Variants in RORB observed in about 807,000 individuals in gnomAD.
The protein encoded by RORB is nuclear receptor ROR-beta.
Under a neutral mutation model 59.1 loss-of-function variants are expected in RORB, and 6 were observed. The ratio of observed to expected loss-of-function variants is 0.10; its 90% confidence interval spans 0.06 to 0.20. The LOEUF (loss-of-function observed/expected upper bound fraction) is 0.20, where lower values mean the gene tolerates loss of function less well. RORB is among the 10% of genes least tolerant of loss of function. The pLI is 1.00. For synonymous variants in RORB, 215 were observed against 204.5 expected (o/e 1.05, Z -0.44); for missense variants, 320 against 560.5 (o/e 0.57, Z 4.33).
At chr9:74,633,240 A>C (rs921522552) in intron 2 of RORB, among the ~76,000 whole-genome samples, 1 of 152,204 alleles carries the variant, frequency 6.6e-6, no homozygotes, top group Non-Finnish European at 1.5e-5. Context: ...AATTACAAAA[A>C]TTTTAGGCGA....
At chr9:74,564,988 G>A (rs547027324) in intron 1 of RORB, among the ~76,000 whole-genome samples, 35 of 152,252 alleles carry the variant, frequency 2.3e-4, no homozygotes, top group African/African-American at 7.5e-4. Flanking sequence ...TGGTTCACTG[G>A]CATTTTTGAG....
intron 1 of RORB, among the ~76,000 whole-genome samples, chr9:74,628,665 T>A (rs895221897): frequency 6.6e-6 from 1 of 152,248 alleles, no homozygotes; most frequent in Non-Finnish European, 1.5e-5. Flanking sequence ...CATTTATTTG[T>A]TTTGTATATG....
In RORB at chr9:74,624,304, T is replaced by G. The variant is rs964822230; in HGVS notation, c.8-5978T>G. 2.6e-5 allele frequency among the ~76,000 whole-genome samples: 4 copies of G among 152,256 alleles called. No individual in the cohort carries two copies. In the East Asian group the frequency reaches 7.7e-4, roughly 29 times the overall value. On this transcript the variant is annotated intron_variant, in intron 1 of 9. Coordinates refer to ENST00000376896, the MANE Select transcript of RORB (RefSeq NM_006914.4). The stretch of plus-strand genomic sequence containing the variant: ...TTACAGAGAAGACCCCAGATGCTGA[T>G]AGACGTGAGAGTGTTATAGTAGAAA...
chr9:74,684,747 T>G (rs1476129094), intron 9 of RORB, among the ~76,000 whole-genome samples: 1 of 152,166 alleles, frequency 6.6e-6, no homozygotes. Flanking sequence ...TCCCAAATTC[T>G]CTATGTGTTT....
At chr9:74,683,426 T>C (rs1325698909) in intron 9 of RORB, among the ~76,000 whole-genome samples, 1 of 152,176 alleles carries the variant, frequency 6.6e-6, no homozygotes, top group Non-Finnish European at 1.5e-5. Context: ...TCTTTCAGAA[T>C]GGGACTCTGA....
chr9:74,622,718 GGTTTCACC>G (rs1025369360), intron 1 of RORB, among the ~76,000 whole-genome samples: 34 of 151,660 alleles, frequency 2.2e-4, no homozygotes, highest in South Asian at 1.0e-3. Flanking sequence ...GTAGAGACAG[GGTTTCACC>G]ATGTTGGCCA....
At chr9:74,571,308 A>G (rs1156359587) in intron 1 of RORB, among the ~76,000 whole-genome samples, 1 of 152,040 alleles carries the variant, frequency 6.6e-6, no homozygotes, top group Non-Finnish European at 1.5e-5. Context: ...ATATTGTGGT[A>G]TGCAGACACA....
intron 1 of RORB, among the ~76,000 whole-genome samples, chr9:74,503,165 A>G (rs1310688208): frequency 6.6e-6 from 1 of 152,080 alleles, no homozygotes; most frequent in Non-Finnish European, 1.5e-5. Context: ...GTCTTTTGTG[A>G]TATAATGAAT....
chr9:74,669,469 A>G (rs1054820765), intron 8 of RORB, among the ~76,000 whole-genome samples: 12 of 142,382 alleles, frequency 8.4e-5, no homozygotes, highest in Non-Finnish European at 1.7e-4. Context: ...ACAAGACCGA[A>G]ACTCTGTCTC....
chr9:74,509,606 G>T (rs1420111401), intron 1 of RORB, among the ~76,000 whole-genome samples: 1 of 151,986 alleles, frequency 6.6e-6, no homozygotes, highest in Non-Finnish European at 1.5e-5. Context: ...TTAAGAGGCG[G>T]GTTCTCTATC....
At chr9:74,604,950 A>G (rs562782535) in intron 1 of RORB, among the ~76,000 whole-genome samples, 89 of 152,350 alleles carry the variant, frequency 5.8e-4, no homozygotes, top group African/African-American at 1.7e-3. Context: ...ATGCTGCTAC[A>G]TTCGCTAAAT....
At chr9:74,556,521 G>A (rs150591986) in intron 1 of RORB, among the ~76,000 whole-genome samples, 1 of 152,128 alleles carries the variant, frequency 6.6e-6, no homozygotes, top group Non-Finnish European at 1.5e-5. Context: ...CATCCACAGC[G>A]ACCAAGCAGA....
chr9:74,538,409 C>T (rs1019666922), intron 1 of RORB, among the ~76,000 whole-genome samples: 1 of 151,934 alleles, frequency 6.6e-6, no homozygotes, highest in Non-Finnish European at 1.5e-5. Context: ...TTCACCACCT[C>T]AGTTAAAAAA....
At chr9:74,527,179 T>A (rs952000164) in intron 1 of RORB, among the ~76,000 whole-genome samples, 11 of 152,030 alleles carry the variant, frequency 7.2e-5, no homozygotes, top group Non-Finnish European at 1.3e-4. Context: ...ACTTTGTTAT[T>A]CAGATTTCAC....
chr9:74,575,046 C>G (rs574097145), intron 1 of RORB, among the ~76,000 whole-genome samples: 2 of 152,024 alleles, frequency 1.3e-5, no homozygotes, highest in African/African-American at 4.8e-5. Context: ...TGTCCTAAAC[C>G]CTTGAAAAAC....
At chr9:74,658,159 A>C (rs949444893) in intron 4 of RORB, among the ~76,000 whole-genome samples, 1 of 152,036 alleles carries the variant, frequency 6.6e-6, no homozygotes, top group African/African-American at 2.4e-5. Context: ...TCCAGTTCTT[A>C]AGGACCTCAT....
chr9:74,558,693 A>G (rs1218339599), intron 1 of RORB, among the ~76,000 whole-genome samples: 1 of 69,568 alleles, frequency 1.4e-5, no homozygotes, highest in Non-Finnish European at 3.6e-5. Flanking sequence ...GAGAAGAGAT[A>G]GAGGGAGAAA....
At chr9:74,608,340 C>A (rs1823181276) in intron 1 of RORB, among the ~76,000 whole-genome samples, 2 of 151,830 alleles carry the variant, frequency 1.3e-5, no homozygotes, top group African/African-American at 4.8e-5. Flanking sequence ...CCGAGGCGGG[C>A]GGATCATGAG....
chr9:74,560,675 T>C, intron 1 of RORB, among the ~76,000 whole-genome samples: 1 of 151,272 alleles, frequency 6.6e-6, no homozygotes, highest in Admixed American at 6.6e-5. Flanking sequence ...TGTCTAATAA[T>C]AATTTATATA....
Sources: gnomAD v4.1 joint callset for allele counts (sites outside exome capture counted in the v4.1 genomes callset) on GRCh38, gnomAD v4.1.1 for gene constraint, MANE v1.5 for transcripts, NCBI Gene and HGNC (gene_info 2026-07-23, HGNC 2026-07-21) for gene names.